The following LRRK1 variants were observed in gnomAD, a reference collection of about 807,000 sequenced individuals.
LRRK1 encodes the protein leucine rich repeat kinase 1, also known as leucine-rich repeat serine/threonine-protein kinase 1.
A neutral mutation model predicts 209.1 loss-of-function variants in LRRK1; 113 were observed. The observed-to-expected ratio is 0.54, with a 90% CI of 0.46 to 0.63. The LOEUF (loss-of-function observed/expected upper bound fraction) is 0.63. Among genes scored for constraint, LRRK1 ranks in the 30% least tolerant of loss-of-function variants. The probability of loss-of-function intolerance (pLI) is 0.00; values close to 1 mark genes in which losing one functional copy is unlikely to be tolerated. For missense variants in LRRK1, 2,284 were observed against 2,632.2 expected (o/e 0.87, Z 2.89); for synonymous variants, 1,144 against 1,099.7 (o/e 1.04, Z -0.80).
At chr15:101,048,151 G>C (rs2035193290) in intron 21 of LRRK1, among the ~76,000 whole-genome samples, 1 of 150,906 alleles carries the variant, frequency 6.6e-6, no homozygotes. Flanking sequence ...TGATCTCTCT[G>C]CTTGGTGTTA....
At chr15:100,951,777 T>C (rs915300560) in intron 2 of LRRK1, among the ~76,000 whole-genome samples, 1 of 151,644 alleles carries the variant, frequency 6.6e-6, no homozygotes, top group African/African-American at 2.4e-5. Flanking sequence ...CATGGTGAAA[T>C]CCTGTTTCTA....
chr15:101,008,664 A>G (rs1456584166), intron 6 of LRRK1, among the ~76,000 whole-genome samples, 173 bp from the exon 7 acceptor site: 1 of 152,282 alleles, frequency 6.6e-6, no homozygotes, highest in East Asian at 1.9e-4. Context: ...GCTCTTCTGC[A>G]CCCACCACCG....
At chr15:100,941,979 C>G (rs2042447012) in intron 2 of LRRK1, among the ~76,000 whole-genome samples, 1 of 152,226 alleles carries the variant, frequency 6.6e-6, no homozygotes, top group South Asian at 2.1e-4. Flanking sequence ...TCTCCCAAGC[C>G]TTCTCCACCT....
intron 2 of LRRK1, among the ~76,000 whole-genome samples, chr15:100,952,905 C>G (rs1038054846): frequency 5.9e-5 from 9 of 152,166 alleles, no homozygotes; most frequent in African/African-American, 1.9e-4. Flanking sequence ...ATCTATTGAC[C>G]AAAATTAACT....
chr15:100,951,046 G>T (rs568348637), intron 2 of LRRK1, among the ~76,000 whole-genome samples: 136 of 152,256 alleles, frequency 8.9e-4, no homozygotes, highest in African/African-American at 2.6e-3. Flanking sequence ...GAGCTTGCAG[G>T]GAGCAGAGGT....
intron 12 of LRRK1, among the ~76,000 whole-genome samples, chr15:101,020,492 A>C (rs988856174): frequency 6.7e-6 from 1 of 149,050 alleles, no homozygotes; most frequent in East Asian, 2.0e-4. Context: ...CTCCTGCCTC[A>C]GCCCCCCCGA....
chr15:101,010,673 G>A lies in LRRK1; in HGVS notation c.1118-1G>A. On this transcript the variant is annotated splice_acceptor_variant, in intron 8 of 33. Transcript: ENST00000388948. LOFTEE classifies it high-confidence loss of function. ...CTTTGGGTCTTTTTTTTTTTTTTTA[G>A]CCACTAACTGGATAGGTTTACGGAA... is the stretch of plus-strand genomic sequence containing the variant. 1 of 1,556,192 alleles carries A rather than the reference G, an allele frequency of 6.4e-7. No homozygotes were observed. Among genetic ancestry groups the A allele is most frequent in the African/African-American group, 1.5e-5 (1 of 67,782 alleles).
chr15:101,045,246 T>C (rs1208713589), intron 20 of LRRK1, among the ~76,000 whole-genome samples: 2 of 152,172 alleles, frequency 1.3e-5, no homozygotes, highest in Non-Finnish European at 1.5e-5. Context: ...AGGTAAAACC[T>C]TTATTGGGAA....
rs2035716118 is a variant in LRRK1 at position 101,055,071 on chromosome 15, G to C, written c.4180G>C (p.Val1394Leu). The C allele has an allele frequency of 3.1e-6, 5 of 1,614,052 alleles. No homozygotes were observed. Among genetic ancestry groups the C allele is most frequent in the Non-Finnish European group, 4.2e-6 (5 of 1,180,020 alleles). The change falls in exon 27 of 34, where the codon GTG (valine) becomes CTG (leucine). Residue 1394 changes from valine (V) to leucine (L), a missense_variant. This residue lies in a region of LRRK1 where 780 missense variants were observed against 985.2 expected (regional missense o/e 0.79). Transcript: ENST00000388948. ...TGACCTGAAGTCGGACAACATTCTG[G>C]TGTGGTCCCTTGACGTCAAGGAGCA... ...FCDLKSDNILVWSLDVKEHIN... is the reference protein window; with the variant it reads ...FCDLKSDNILLWSLDVKEHIN...
At chr15:101,034,883 T>G (rs1219289873) in intron 20 of LRRK1, among the ~76,000 whole-genome samples, 1 of 152,054 alleles carries the variant, frequency 6.6e-6, no homozygotes, top group African/African-American at 2.4e-5. Flanking sequence ...TGTTAACATA[T>G]AGTTCTTCAT....
rs553898429 is a variant in LRRK1, at chr15:100,958,010, C to A, written c.98-15794C>A. On this transcript the variant is annotated intron_variant, in intron 2 of 33. Coordinates refer to ENST00000388948, the MANE Select transcript of LRRK1 (RefSeq NM_024652.6). ...CCTCCTGAGTAGCTGGGATTACAGG[C>A]AGCCACCACCACACCCAACTAATTT... Among the ~76,000 whole-genome samples, 3 of 152,220 alleles carry A rather than the reference C, an allele frequency of 2.0e-5. No individual in the cohort carries two copies. The South Asian group carries it at 6.2e-4, about 32-fold the overall frequency.
chr15:100,928,682 AT>A lies in LRRK1; in HGVS notation c.97+3954del, dbSNP rs146365584. Among the ~76,000 whole-genome samples, 1,426 of 152,220 alleles carry A rather than the reference AT, an allele frequency of 9.4e-3. 21 individuals are homozygous for A. Among genetic ancestry groups the A allele is most frequent in the African/African-American group, 0.033 (1,362 of 41,534 alleles). ...GTGTCTACTCTTGGGTGTTGGGGTA[AT>A]GGTATTTTTAATTTTTTATTTGTGT... On this transcript the variant is annotated intron_variant, in intron 2 of 33. Transcript: ENST00000388948.
At chr15:101,025,361 A>G (rs1414580545) in intron 16 of LRRK1, among the ~76,000 whole-genome samples, 2 of 152,152 alleles carry the variant, frequency 1.3e-5, no homozygotes, top group Admixed American at 6.5e-5. Context: ...ACACCCCTCA[A>G]TGCAACAGTC....
chr15:100,930,707 T>G (rs2042196291), intron 2 of LRRK1, among the ~76,000 whole-genome samples: 1 of 152,200 alleles, frequency 6.6e-6, no homozygotes, highest in Non-Finnish European at 1.5e-5. Context: ...AAGAGATCAG[T>G]AGCCTGAGAG....
Position 101,014,401 on chromosome 15 carries a change from T to G in LRRK1, c.1505T>G (p.Leu502Arg). Reference protein sequence around the residue: ...EKWTCRQLKTLDLSRNQLGKN... With the variant: ...EKWTCRQLKTRDLSRNQLGKN... ...TGGACCTGCAGGCAGCTCAAAACCC[T>G]GGATCTCTCCAGAAACCAACTTGGC... The change falls in exon 11 of 34, where the codon CTG (leucine) becomes CGG (arginine). Residue 502 changes from leucine to arginine, a missense_variant. Leu to Arg is a moderately radical substitution (Grantham distance 102, BLOSUM62 -2). This residue lies in a region of LRRK1 where 494 missense variants were observed against 522.1 expected (regional missense o/e 0.95). Coordinates refer to ENST00000388948, the MANE Select transcript of LRRK1 (RefSeq NM_024652.6). 1 of 1,613,892 alleles carries G rather than the reference T, an allele frequency of 6.2e-7. No homozygotes were observed. Among genetic ancestry groups the G allele is most frequent in the Non-Finnish European group, 8.5e-7 (1 of 1,179,844 alleles).
intron 2 of LRRK1, among the ~76,000 whole-genome samples, chr15:100,926,829 C>T (rs370769448): frequency 7.9e-5 from 12 of 151,828 alleles, no homozygotes; most frequent in Middle Eastern, 3.4e-3. Flanking sequence ...GTACTACAGG[C>T]GTGCGCCACC....
At chr15:100,989,208 TAG>T in intron 5 of LRRK1, 40 bp from the exon 6 acceptor site, 2 of 1,576,770 alleles carry the variant, frequency 1.3e-6, no homozygotes, top group Non-Finnish European at 1.7e-6. Flanking sequence ...ACTGTGACAC[TAG>T]CATCTGCATG....
intron 13 of LRRK1, 56 bp downstream of exon 13, chr15:101,021,238 G>A (rs1319239812): frequency 1.4e-5 from 23 of 1,598,480 alleles, no homozygotes; most frequent in Middle Eastern, 1.8e-4. Flanking sequence ...GAGGCAGAAC[G>A]CCCATCCCTA....
chr15:100,946,177 A>T (rs2042536174), intron 2 of LRRK1, among the ~76,000 whole-genome samples: 1 of 152,214 alleles, frequency 6.6e-6, no homozygotes, highest in Non-Finnish European at 1.5e-5. Flanking sequence ...CCACAAATTG[A>T]TCCTATCATT....
Sources: allele counts gnomAD v4.1 joint callset (sites outside exome capture counted in the v4.1 genomes callset), GRCh38; gene constraint gnomAD v4.1.1; regional missense constraint gnomAD v4.1.1; transcripts MANE v1.5; gene names NCBI Gene and HGNC (gene_info 2026-07-23, HGNC 2026-07-21).